NOS3: variants seen among roughly 807,000 people sequenced by gnomAD.
NOS3 encodes nitric oxide synthase 3, also known as NOS type III.
A neutral mutation model predicts 144.9 loss-of-function variants in NOS3; 98 were observed. That is an observed-to-expected ratio of 0.68 (90% confidence interval 0.57 to 0.80). The LOEUF is 0.80. Among genes scored for constraint, NOS3 ranks in the 30% least tolerant of loss-of-function variants. NOS3 has a pLI of 0.00. For synonymous variants in NOS3, 714 were observed against 702.4 expected (o/e 1.02, Z -0.26); for missense variants, 1,465 against 1,656.4 (o/e 0.88, Z 2.01).
chr7:151,006,717 G>A (rs757555543), intron 15 of NOS3, among the ~76,000 whole-genome samples, 172 bp from the exon 16 acceptor site: 5 of 152,202 alleles, frequency 3.3e-5, no homozygotes, highest in Non-Finnish European at 7.3e-5. Flanking sequence ...GGTGTGGTGT[G>A]TCAGGGCCCC....
Position 151,006,422 on chromosome 7 carries a change from G to A in NOS3, c.1753-5G>A, listed in dbSNP as rs200491007. 12 of 1,613,300 alleles carry A rather than the reference G, an allele frequency of 7.4e-6. No homozygotes were observed. The highest frequency in any genetic ancestry group is 4.4e-5 in the South Asian group (4 of 91,048). Reference sequence around the variant, plus strand: ...TAACCCTGATGCAAACACTCCCCTCGCCAGAGCTTTGCAGCTGCCCTGATG... The same window carrying A: ...TAACCCTGATGCAAACACTCCCCTCACCAGAGCTTTGCAGCTGCCCTGATG... On this transcript the variant is annotated splice_region_variant and splice_polypyrimidine_tract_variant and intron_variant, in intron 14 of 26. Transcript: ENST00000297494.
chr7:151,001,847 T>G lies in NOS3; in HGVS notation c.1529T>G (p.Met510Arg). ...ANAVKISASL[M>R]GTVMAKRVKA... ...GCCGTGAAGATCTCCGCCTCGCTCATGGGCACGGTGATGGCGAAGCGAGTG... is the reference window on the plus strand; with the variant it reads ...GCCGTGAAGATCTCCGCCTCGCTCAGGGGCACGGTGATGGCGAAGCGAGTG... The change falls in exon 13 of 27, where the codon ATG becomes AGG. Residue 510 changes from methionine to arginine, a missense_variant. Around this residue, in one of 5 missense-constraint regions of NOS3, gnomAD observed 745 missense variants for 853.9 expected, o/e 0.87. Transcript: ENST00000297494. 1 of 1,613,692 alleles carries G rather than the reference T, an allele frequency of 6.2e-7. No homozygotes were observed. Among genetic ancestry groups the G allele is most frequent in the Non-Finnish European group, 8.5e-7 (1 of 1,180,006 alleles).
intron 17 of NOS3, among the ~76,000 whole-genome samples, chr7:151,008,458 T>C (rs537527217): frequency 7.9e-5 from 12 of 152,284 alleles, no homozygotes; most frequent in Admixed American, 3.9e-4. Context: ...GAATTGTGCG[T>C]CCCTTCCCAG....
rs910181947 is a variant in NOS3, at chr7:151,002,452, A to G, written c.1752+148A>G. 21 of 491,904 alleles carry G rather than the reference A, an allele frequency of 4.3e-5. No homozygotes were observed. The highest frequency in any genetic ancestry group is 6.6e-5 in the Non-Finnish European group (18 of 272,712). 30.5% of individuals were successfully genotyped at this position (491,904 alleles called of 1,614,324 possible). On this transcript the variant is annotated intron_variant, in intron 14 of 26. Transcript: ENST00000297494. The surrounding 1 kb of genome is among the most constrained non-coding windows in gnomAD (Gnocchi z 4.1). ...CACACACACACACACACACACACAC[A>G]CGCCAGGATGGAAAGGGAGATGCTA...
Position 150,998,677 on chromosome 7 carries a change from C to A in NOS3, c.813C>A (p.Thr271=). The A allele has an allele frequency of 1.2e-6, 2 of 1,605,628 alleles. No individual in the cohort carries two copies. Among genetic ancestry groups the A allele is most frequent in the Non-Finnish European group, 1.7e-6 (2 of 1,177,430 alleles). ...VRGDPANVEI[T]ELCIQHGWTP... The stretch of plus-strand genomic sequence containing the variant: ...GGGACCCAGCCAACGTGGAGATCAC[C>A]GAGGTGGGCACCGAGGGCCACCCAT... Residue 271 remains threonine, a synonymous_variant, in exon 7 of 27, where the codon ACC becomes ACA. Transcript: ENST00000297494. The surrounding 1 kb of genome is among the most constrained non-coding windows in gnomAD (Gnocchi z 5.0).
At chr7:151,000,669 G>T (rs1795069866) in intron 10 of NOS3, 70 bp downstream of exon 10, 2 of 1,015,844 alleles carry the variant, frequency 2.0e-6, no homozygotes, top group African/African-American at 3.1e-5. Context: ...GGGGGATGGA[G>T]GAGAGGCAGC....
rs114647585 is a variant in NOS3 at position 151,012,596 on chromosome 7, C to T, written c.3106+124C>T. The T allele has an allele frequency of 1.4e-3, 1,743 of 1,238,926 alleles. 18 individuals carry two copies. In the African/African-American group the frequency reaches 0.022, roughly 16 times the overall value. 76.7% of individuals were successfully genotyped at this position (1,238,926 alleles called of 1,614,324 possible). A position where few individuals can be genotyped will look rare whatever the true frequency, so the allele number is the denominator to read the frequency against. On this transcript the variant is annotated intron_variant, in intron 24 of 26. Coordinates refer to ENST00000297494, the MANE Select transcript of NOS3 (RefSeq NM_000603.5). Reference sequence around the variant, plus strand: ...AACAAAGTCCACAAAGCTGAAAAGACGCTCATGAGACCAAGGGGAGGGCAG... The same window carrying T: ...AACAAAGTCCACAAAGCTGAAAAGATGCTCATGAGACCAAGGGGAGGGCAG...
intron 23 of NOS3, among the ~76,000 whole-genome samples, chr7:151,011,499 C>T (rs1290358238): frequency 6.8e-6 from 1 of 147,368 alleles, no homozygotes; most frequent in Non-Finnish European, 1.5e-5. Flanking sequence ...GCAACCTCCG[C>T]CTCCCGGGTT....
chr7:151,000,658 C>T lies in NOS3; in HGVS notation c.1233+59C>T, dbSNP rs1041582529. On this transcript the variant is annotated intron_variant, in intron 10 of 26. Coordinates refer to ENST00000297494, the MANE Select transcript of NOS3 (RefSeq NM_000603.5). ...GGTTTGCATACGGGGGCAGCAGGGG[C>T]GGGGGATGGAGGAGAGGCAGCCATT... is the stretch of plus-strand genomic sequence containing the variant. The T allele has an allele frequency of 7.6e-5, 89 of 1,169,662 alleles. No individual in the cohort carries two copies. The East Asian group carries it at 1.1e-3, about 15-fold the overall frequency. 72.5% of individuals were successfully genotyped at this position (1,169,662 alleles called of 1,614,324 possible).
At position 150,998,338 on chromosome 7, in the gene NOS3, G is replaced by C. The variant is rs758903307; in HGVS notation, c.583-19G>C. ...GTCTCTCTCCTCACCCTCCTCTCCC[G>C]CTGCCTCGGCTGGCTCAGGTGTTCG... is the stretch of plus-strand genomic sequence containing the variant. On this transcript the variant is annotated intron_variant, in intron 5 of 26. Transcript: ENST00000297494. The surrounding 1 kb of genome is among the most constrained non-coding windows in gnomAD (Gnocchi z 5.0). 2 of 1,607,366 alleles carry C rather than the reference G, an allele frequency of 1.2e-6. No individual in the cohort carries two copies. The highest frequency in any genetic ancestry group is 8.5e-7 in the Non-Finnish European group (1 of 1,177,368).
chr7:150,999,099 G>A lies in NOS3; in HGVS notation c.956+14G>A. 2 of 1,612,614 alleles carry A rather than the reference G, an allele frequency of 1.2e-6. No individual in the cohort carries two copies. Among genetic ancestry groups the A allele is most frequent in the Non-Finnish European group, 1.7e-6 (2 of 1,179,888 alleles). On this transcript the variant is annotated intron_variant, in intron 8 of 26. Coordinates refer to ENST00000297494, the MANE Select transcript of NOS3 (RefSeq NM_000603.5). ...GGAGCACCCCACGTGAGCACCAAAG[G>A]GATTGACTGGGTGGGATGGAGGGGG...
chr7:151,006,766 CCAAGGG>C, intron 15 of NOS3, 117 bp from the exon 16 acceptor site: 1 of 834,598 alleles, frequency 1.2e-6, no homozygotes, highest in Non-Finnish European at 2.0e-6. Context: ...TCAGCCCCTC[CCAAGGG>C]CAGGGCCTTT....
chr7:151,001,100 G>A (rs1795081628), intron 10 of NOS3, 131 bp from the exon 11 acceptor site: 2 of 849,426 alleles, frequency 2.4e-6, no homozygotes, highest in Non-Finnish European at 3.8e-6. Context: ...TGTGGTTTGA[G>A]GGGACACAGG....
At chr7:151,008,837 C>T (rs1795245450) in intron 17 of NOS3, 93 bp from the exon 18 acceptor site, 5 of 1,412,408 alleles carry the variant, frequency 3.5e-6, no homozygotes, top group Admixed American at 5.6e-5. Flanking sequence ...TGCCAACCCC[C>T]CAGGAGCAAG....
rs1477874637 is a variant in NOS3, at chr7:151,013,842, A to G, written c.3374A>G (p.Gln1125Arg). Reference sequence around the variant, plus strand: ...GTTACCATGGCAACCAACGTCCTGCAGACCGTGCAGCGCATCCTGGCGACG... The same window carrying G: ...GTTACCATGGCAACCAACGTCCTGCGGACCGTGCAGCGCATCCTGGCGACG... ...GDVTMATNVL[Q>R]TVQRILATEG... The change falls in exon 26 of 27, where the codon CAG becomes CGG. Residue 1125 changes from glutamine to arginine, a missense_variant. Gln to Arg is a conservative substitution (Grantham distance 43). This residue lies in a region of NOS3 where 228 missense variants were observed against 227.7 expected (regional missense o/e 1.00). Transcript: ENST00000297494. The G allele has an allele frequency of 6.2e-7, 1 of 1,606,258 alleles. No homozygotes were observed. The highest frequency in any genetic ancestry group is 8.5e-7 in the Non-Finnish European group (1 of 1,177,026).
intron 15 of NOS3, 41 bp from the exon 16 acceptor site, chr7:151,006,848 C>T: frequency 6.6e-7 from 1 of 1,512,070 alleles, no homozygotes. Context: ...CCTGTATCCC[C>T]AGGGCCCTGT....
chr7:150,992,147 TAAA>T (rs11371169), intron 1 of NOS3, among the ~76,000 whole-genome samples: 1 of 143,670 alleles, frequency 7.0e-6, no homozygotes, highest in Non-Finnish European at 1.5e-5. Context: ...AGACTCTGTC[TAAA>T]AAAAAAAAAA....
rs58296114 is a variant in NOS3, at chr7:150,997,807, C to T, written c.583-550C>T. 5.8e-3 allele frequency among the ~76,000 whole-genome samples: 879 copies of T among 152,304 alleles called. 8 individuals carry two copies. Among genetic ancestry groups the T allele is most frequent in the African/African-American group, 0.02 (830 of 41,556 alleles). On this transcript the variant is annotated intron_variant, in intron 5 of 26. Coordinates refer to ENST00000297494, the MANE Select transcript of NOS3 (RefSeq NM_000603.5). Reference sequence around the variant, plus strand: ...CCCTCCCTTGACCCCAGGTTGGTCCCTGCCACTCCCCTGCCCCTGTCACTG... The same window carrying T: ...CCCTCCCTTGACCCCAGGTTGGTCCTTGCCACTCCCCTGCCCCTGTCACTG...
At chr7:151,012,249 G>T in intron 23 of NOS3, 102 bp from the exon 24 acceptor site, 98 of 552,812 alleles carry the variant, frequency 1.8e-4, no homozygotes, top group Middle Eastern at 7.0e-4. Context: ...TTTTTTTTGA[G>T]ATGGGAAGAA....
Sources: allele counts gnomAD v4.1 joint callset (sites outside exome capture counted in the v4.1 genomes callset), GRCh38; gene constraint gnomAD v4.1.1; regional missense constraint gnomAD v4.1.1; non-coding constraint Gnocchi (gnomAD v3.1); transcripts MANE v1.5; gene names NCBI Gene and HGNC (gene_info 2026-07-23, HGNC 2026-07-21).